The following NHSL1 variants were observed in gnomAD, a reference collection of about 807,000 sequenced individuals.
The protein encoded by NHSL1 is NHS-like protein 1.
In NHSL1, 48 loss-of-function variants were observed where a neutral mutation model predicts 95.0. The ratio of observed to expected loss-of-function variants is 0.51; its 90% CI spans 0.40 to 0.64. The LOEUF is 0.64. Ranked by LOEUF, NHSL1 falls within the 30% of genes least tolerant of loss-of-function variation. The pLI is 0.00. For synonymous variants in NHSL1, 783 were observed against 833.9 expected, an observed-to-expected ratio of 0.94 and a Z score of 1.05; for missense variants, 1,971 against 2,077.7, an observed-to-expected ratio of 0.95 and a Z score of 1.00.
chr6:138,485,739 T>C (rs911069777), intron 2 of NHSL1, among the ~76,000 whole-genome samples: 11 of 152,224 alleles, frequency 7.2e-5, no homozygotes, highest in African/African-American at 2.4e-4. Flanking sequence ...TTTTTCTCAA[T>C]AGGGCATTTA....
chr6:138,610,549 ATAT>A (rs1340229176), intron 1 of NHSL1, among the ~76,000 whole-genome samples: 6 of 131,408 alleles, frequency 4.6e-5, no homozygotes, highest in East Asian at 2.2e-4. Flanking sequence ...TAATAAAAAA[ATAT>A]ATATATATTA....
chr6:138,459,478 G>C (rs1037167818), intron 3 of NHSL1, among the ~76,000 whole-genome samples: 5 of 152,070 alleles, frequency 3.3e-5, no homozygotes. Flanking sequence ...GTTATTTATA[G>C]AAGTTTTGAA....
At chr6:138,456,188 G>C (rs1226314148) in intron 3 of NHSL1, among the ~76,000 whole-genome samples, 1 of 152,138 alleles carries the variant, frequency 6.6e-6, no homozygotes, top group Non-Finnish European at 1.5e-5. Flanking sequence ...CTGTAAACCA[G>C]GGCTGTTCTA....
Position 138,542,455 on chromosome 6 carries a change from C to A in NHSL1, c.16+3168G>T, listed in dbSNP as rs1782621031. On this transcript the variant is annotated intron_variant, in intron 1 of 4. Transcript: ENST00000342260. Reference sequence around the variant, plus strand: ...AGTAGGACAATACTTCACTACCAGTCCACAATTAGATTAGTACAGGAAATG... The same window carrying A: ...AGTAGGACAATACTTCACTACCAGTACACAATTAGATTAGTACAGGAAATG... Among the ~76,000 whole-genome samples the A allele has an allele frequency of 2.0e-5, 3 of 152,142 alleles. No individual in the cohort carries two copies. The South Asian group carries it at 6.2e-4, about 31-fold the overall frequency.
At chr6:138,613,200 G>C (rs1562391719) in intron 1 of NHSL1, among the ~76,000 whole-genome samples, 1 of 152,168 alleles carries the variant, frequency 6.6e-6, no homozygotes, top group Non-Finnish European at 1.5e-5. Flanking sequence ...TAGTGAACCA[G>C]CCTATAACAA....
intron 1 of NHSL1, among the ~76,000 whole-genome samples, chr6:138,637,195 G>A (rs896851859): frequency 1.3e-5 from 2 of 151,976 alleles, no homozygotes; most frequent in Non-Finnish European, 2.9e-5. Context: ...GATATCCATA[G>A]GCAGAATAAT....
At chr6:138,644,081 T>C (rs1784988878) in intron 1 of NHSL1, among the ~76,000 whole-genome samples, 1 of 152,086 alleles carries the variant, frequency 6.6e-6, no homozygotes, top group Admixed American at 6.5e-5. Flanking sequence ...TTGAGAATTG[T>C]ATCTTTTTAT....
chr6:138,596,003 G>T (rs1784298517), intron 1 of NHSL1, among the ~76,000 whole-genome samples: 1 of 152,148 alleles, frequency 6.6e-6, no homozygotes, highest in Non-Finnish European at 1.5e-5. Flanking sequence ...AGAAAAAAAG[G>T]CCATAAACCC....
At chr6:138,425,632 C>T (rs755187072) in intron 7 of NHSL1, among the ~76,000 whole-genome samples, 19 of 152,170 alleles carry the variant, frequency 1.2e-4, no homozygotes, top group South Asian at 4.1e-4. Flanking sequence ...CGGGCTGATC[C>T]GGAGTGAATT....
At chr6:138,479,010 A>C (rs1779257824) in intron 2 of NHSL1, among the ~76,000 whole-genome samples, 1 of 152,194 alleles carries the variant, frequency 6.6e-6, no homozygotes, top group South Asian at 2.1e-4. Flanking sequence ...TCTATGCATT[A>C]AGCTATTCTT....
chr6:138,430,727 T>G lies in NHSL1; in HGVS notation c.3618A>C (p.Pro1206=), dbSNP rs1253884962. Residue 1206 remains proline, a synonymous_variant, in exon 6 of 8, where the codon CCA becomes CCC. Coordinates refer to ENST00000343505, the MANE Select transcript of NHSL1 (RefSeq NM_001144060.2). This position sits in a 1 kb window ranked among gnomAD's most constrained non-coding sequence, Gnocchi z 4.7. ...SKKPKLFLVV[P]PPQKDFAVEP... ...CCACTGCAAAATCTTTCTGCGGAGG[T>G]GGTACCACCAGGAACAGTTTGGGCT... is the stretch of plus-strand genomic sequence containing the variant. 2 of 1,551,510 alleles carry G rather than the reference T, an allele frequency of 1.3e-6. No individual in the cohort carries two copies. Among genetic ancestry groups the G allele is most frequent in the Non-Finnish European group, 1.7e-6 (2 of 1,146,974 alleles).
chr6:138,536,842 G>A (rs565892395), intron 1 of NHSL1, among the ~76,000 whole-genome samples: 3 of 151,944 alleles, frequency 2.0e-5, no homozygotes, highest in South Asian at 2.1e-4. Context: ...AACTTCCATC[G>A]TAATTTACTG....
intron 3 of NHSL1, among the ~76,000 whole-genome samples, chr6:138,471,794 T>C (rs901974344): frequency 8.5e-5 from 13 of 152,232 alleles, no homozygotes; most frequent in African/African-American, 2.9e-4. Flanking sequence ...ACAGATACGT[T>C]AGTCTGATTT....
At chr6:138,518,973 G>A (rs1204233418) in intron 1 of NHSL1, among the ~76,000 whole-genome samples, 4 of 152,084 alleles carry the variant, frequency 2.6e-5, no homozygotes, top group East Asian at 1.9e-4. Flanking sequence ...AGCCAAGATC[G>A]CACCACTGCG....
intron 1 of NHSL1, among the ~76,000 whole-genome samples, chr6:138,634,578 G>A (rs1230548330): frequency 2.6e-5 from 4 of 152,074 alleles, no homozygotes; most frequent in African/African-American, 9.7e-5. Context: ...GAGCTAAAAA[G>A]GGAGAGATCC....
chr6:138,485,065 G>A (rs1215395047), intron 2 of NHSL1, among the ~76,000 whole-genome samples: 2 of 152,150 alleles, frequency 1.3e-5, no homozygotes, highest in Non-Finnish European at 1.5e-5. Flanking sequence ...AGCCAAATTG[G>A]AGGCGATCTC....
chr6:138,496,016 G>C (rs1187768111), intron 2 of NHSL1, among the ~76,000 whole-genome samples: 2 of 152,160 alleles, frequency 1.3e-5, no homozygotes, highest in Non-Finnish European at 2.9e-5. Flanking sequence ...GGAATTATGG[G>C]AGCTACAATT....
chr6:138,462,172 G>T (rs1778040729), intron 3 of NHSL1, among the ~76,000 whole-genome samples: 1 of 152,332 alleles, frequency 6.6e-6, no homozygotes, highest in South Asian at 2.1e-4. Context: ...TCTGAGACTA[G>T]GTAGTTTATA....
Position 138,596,488 on chromosome 6 carries a change from TGTGATTTTGATGGACTAA to T in NHSL1, c.96+95970_96+95987del, listed in dbSNP as rs1583440584. Among the ~76,000 whole-genome samples the T allele has an allele frequency of 2.0e-5, 3 of 152,304 alleles. No individual in the cohort carries two copies. In the East Asian group the frequency reaches 5.8e-4, roughly 29 times the overall value. ...AAAGGATTATGTGGACAAGTCAAAA[TGTGATTTTGATGGACTAA>T]GTGGATTGCTGAGACACATCATGAC... On this transcript the variant is annotated intron_variant, in intron 1 of 3. Transcript: ENST00000491526.
Sources: allele counts gnomAD v4.1 joint callset (sites outside exome capture counted in the v4.1 genomes callset), GRCh38; gene constraint gnomAD v4.1.1; non-coding constraint Gnocchi (gnomAD v3.1); transcripts MANE v1.5; gene names NCBI Gene and HGNC (gene_info 2026-07-23, HGNC 2026-07-21).